PTDSS1: variants seen among roughly 807,000 people sequenced by gnomAD.
The protein encoded by PTDSS1 is phosphatidylserine synthase 1.
Under a neutral mutation model 70.5 loss-of-function variants are expected in PTDSS1, and 45 were observed. The ratio of observed to expected loss-of-function variants is 0.64; its 90% CI spans 0.50 to 0.82. PTDSS1 has a LOEUF of 0.82. Among genes scored for constraint, PTDSS1 ranks in the 40% least tolerant of loss-of-function variants. The pLI, the probability that PTDSS1 is intolerant of heterozygous loss-of-function variation, is 0.00. For synonymous variants in PTDSS1, 188 were observed against 203.8 expected, an observed-to-expected ratio of 0.92 and a Z score of 0.66; for missense variants, 417 against 586.1, an observed-to-expected ratio of 0.71 and a Z score of 2.98.
chr8:96,317,967 A>T (rs927623453), intron 9 of PTDSS1, among the ~76,000 whole-genome samples: 1 of 151,596 alleles, frequency 6.6e-6, no homozygotes, highest in Non-Finnish European at 1.5e-5. Context: ...GTTTCTTGCT[A>T]TGGTTCTTAA....
At chr8:96,284,640 A>G (rs1465944756) in intron 3 of PTDSS1, among the ~76,000 whole-genome samples, 2 of 152,358 alleles carry the variant, frequency 1.3e-5, no homozygotes, top group African/African-American at 4.8e-5. Flanking sequence ...AAATAAGCAT[A>G]TAAATATTGG....
intron 10 of PTDSS1, among the ~76,000 whole-genome samples, chr8:96,325,852 T>C (rs1352393275): frequency 2.0e-5 from 3 of 152,200 alleles, no homozygotes; most frequent in African/African-American, 7.2e-5. Context: ...AGTAGCATCT[T>C]CATTAGTGAG....
chr8:96,305,868 A>T (rs1811114942), intron 7 of PTDSS1, among the ~76,000 whole-genome samples: 1 of 152,016 alleles, frequency 6.6e-6, no homozygotes, highest in Non-Finnish European at 1.5e-5. Context: ...TTTAGTAGAG[A>T]TGAGATTTCA....
intron 10 of PTDSS1, 130 bp downstream of exon 10, chr8:96,320,475 A>G: frequency 2.4e-6 from 2 of 825,982 alleles, no homozygotes; most frequent in Non-Finnish European, 3.9e-6. Context: ...TTCTACTTGT[A>G]ATTGTCTGAG....
rs1183729827 is a variant in PTDSS1 at position 96,287,096 on chromosome 8, T to C, written c.391T>C (p.Tyr131His). The C allele has an allele frequency of 1.2e-6, 2 of 1,614,186 alleles. No homozygotes were observed. Among genetic ancestry groups the C allele is most frequent in the African/African-American group, 2.7e-5 (2 of 75,078 alleles). The change falls in exon 4 of 13, where the codon TAT becomes CAT. Residue 131 changes from tyrosine (Y) to histidine (H), a missense_variant. This residue lies in a region of PTDSS1 where 272 missense variants were observed against 429.5 expected (regional missense o/e 0.63). Transcript: ENST00000517309. ...TTTCGAGCAGGTTAAATCTCTAATGTATTGGCTAGATCCAAATCTTCGATA... is the reference window on the plus strand; with the variant it reads ...TTTCGAGCAGGTTAAATCTCTAATGCATTGGCTAGATCCAAATCTTCGATA... ...LNFEQVKSLM[Y>H]WLDPNLRYAT...
Position 96,306,430 on chromosome 8 carries a change from T to C in PTDSS1, c.895-14T>C. 6.3e-7 allele frequency: 1 copy of C among 1,595,504 alleles called. No individual in the cohort carries two copies. Among genetic ancestry groups the C allele is most frequent in the Non-Finnish European group, 8.6e-7 (1 of 1,163,278 alleles). On this transcript the variant is annotated splice_polypyrimidine_tract_variant and intron_variant, in intron 7 of 12. Transcript: ENST00000517309. ...ATGAGGTACCAGGTTGACTAATTTCTCCGTCTTTTTCAGCTGACTGAGTTG... is the reference window on the plus strand; with the variant it reads ...ATGAGGTACCAGGTTGACTAATTTCCCCGTCTTTTTCAGCTGACTGAGTTG...
rs115142355 is a variant in PTDSS1, at chr8:96,319,676, T to C, written c.1074-570T>C. 1.2e-3 allele frequency among the ~76,000 whole-genome samples: 190 copies of C among 152,312 alleles called. 1 individual carries two copies. Among genetic ancestry groups the C allele is most frequent in the Middle Eastern group, 6.8e-3 (2 of 294 alleles). On this transcript the variant is annotated intron_variant, in intron 9 of 12. Transcript: ENST00000517309. ...TCTCTTGGAAGGGTCAAACTCACCC[T>C]GTGTGGCAGCCACCTAGCCTCTTAA...
rs1256704600 is a variant in PTDSS1, at chr8:96,304,027, TCTC to T, written c.753-12_753-10del. ...ATCTCTGGATTTTCACTGGAGCCAT[TCTC>T]TTCTTACAGGGACATTCATACCACC... On this transcript the variant is annotated splice_polypyrimidine_tract_variant and intron_variant, in intron 6 of 12. Transcript: ENST00000517309. 1.9e-6 allele frequency: 3 copies of T among 1,597,826 alleles called. No homozygotes were observed. The highest frequency in any genetic ancestry group is 3.6e-5 in the Admixed American group (2 of 54,844).
intron 7 of PTDSS1, 122 bp from the exon 8 acceptor site, chr8:96,306,322 C>A: frequency 1.3e-6 from 1 of 746,728 alleles, no homozygotes; most frequent in Non-Finnish European, 2.3e-6. Flanking sequence ...AAGACCACAT[C>A]TATTCTCTGA....
In PTDSS1 at chr8:96,330,376, G is replaced by A. The variant is rs1470537416; in HGVS notation, c.1242+95G>A. 4 of 1,235,944 alleles carry A rather than the reference G, an allele frequency of 3.2e-6. No homozygotes were observed. The South Asian group carries it at 3.8e-5, about 12-fold the overall frequency. The allele number at this position is 1,235,944 out of a possible 1,614,324, so 76.6% of individuals were successfully genotyped here. ...GCACGTGCCTGTAAGGATATGGCGAGGTAAACACTGAGGTTGGGGCCTCCA... is the reference window on the plus strand; with the variant it reads ...GCACGTGCCTGTAAGGATATGGCGAAGTAAACACTGAGGTTGGGGCCTCCA... On this transcript the variant is annotated intron_variant, in intron 11 of 12. Coordinates refer to ENST00000517309, the MANE Select transcript of PTDSS1 (RefSeq NM_014754.3).
In PTDSS1 at chr8:96,335,947, T is replaced by G. The variant is rs1436151615; in HGVS notation, c.*2381T>G. ...CACCCTCTTAAGAGAGAACATTGTT[T>G]TGGACCTAAAGCTTGAAGAACGGTT... On this transcript the variant is annotated 3_prime_UTR_variant, in exon 13 of 13. Coordinates refer to ENST00000517309, the MANE Select transcript of PTDSS1 (RefSeq NM_014754.3). The G allele has an allele frequency of 6.6e-6, 1 of 152,218 alleles. No homozygotes were observed. Among genetic ancestry groups the G allele is most frequent in the East Asian group, 1.9e-4 (1 of 5,194 alleles). 9.4% of individuals were successfully genotyped at this position (152,218 alleles called of 1,614,324 possible). A position where few individuals can be genotyped will look rare whatever the true frequency, so the allele number is the denominator to read the frequency against.
intron 3 of PTDSS1, among the ~76,000 whole-genome samples, chr8:96,285,756 C>T (rs1810813938): frequency 6.6e-6 from 1 of 152,134 alleles, no homozygotes; most frequent in African/African-American, 2.4e-5. Flanking sequence ...GTGTCCAGGG[C>T]TTCACAGACC....
intron 4 of PTDSS1, among the ~76,000 whole-genome samples, chr8:96,289,203 G>C (rs528399228): frequency 6.6e-5 from 10 of 152,212 alleles, no homozygotes; most frequent in Non-Finnish European, 1.5e-4. Flanking sequence ...TGGGATTACA[G>C]GTGTGAGCCA....
Position 96,328,832 on chromosome 8 carries a change from G to A in PTDSS1, c.1174-1381G>A, listed in dbSNP as rs77847568. Among the ~76,000 whole-genome samples, 519 of 152,334 alleles carry A rather than the reference G, an allele frequency of 3.4e-3. 1 individual carries two copies. Among genetic ancestry groups the A allele is most frequent in the Non-Finnish European group, 5.5e-3 (376 of 68,020 alleles). On this transcript the variant is annotated intron_variant, in intron 10 of 12. Transcript: ENST00000517309. ...TACCACCAGACTGTGGCTGTGCAGA[G>A]GAGAAGCTGCTGCTGTTCACTGTTC...
chr8:96,334,027 G>T lies in PTDSS1; in HGVS notation c.*461G>T. 2.3e-6 allele frequency: 1 copy of T among 434,320 alleles called. No individual in the cohort carries two copies. Among genetic ancestry groups the T allele is most frequent in the Non-Finnish European group, 4.1e-6 (1 of 245,878 alleles). 26.9% of individuals were successfully genotyped at this position (434,320 alleles called of 1,614,324 possible). A position where few individuals can be genotyped will look rare whatever the true frequency, so the allele number is the denominator to read the frequency against. ...TGATTTAAGTTCAGGCCACTTTTCT[G>T]TCTTTTATTTGGTTACTGTTGTTAT... is the stretch of plus-strand genomic sequence containing the variant. On this transcript the variant is annotated 3_prime_UTR_variant, in exon 13 of 13. Coordinates refer to ENST00000517309, the MANE Select transcript of PTDSS1 (RefSeq NM_014754.3).
chr8:96,284,030 A>G, intron 2 of PTDSS1, 79 bp from the exon 3 acceptor site: 1 of 1,173,714 alleles, frequency 8.5e-7, no homozygotes, highest in South Asian at 1.3e-5. Flanking sequence ...TGTTATCTGT[A>G]TGGAGATCAG....
intron 1 of PTDSS1, among the ~76,000 whole-genome samples, chr8:96,272,543 G>A (rs1810581515): frequency 1.3e-5 from 2 of 152,102 alleles, no homozygotes; most frequent in African/African-American, 4.8e-5. Flanking sequence ...GCTTGGCTTG[G>A]GGGAACAATC....
intron 9 of PTDSS1, among the ~76,000 whole-genome samples, chr8:96,318,146 GA>G (rs1811322322): frequency 6.6e-6 from 1 of 151,764 alleles, no homozygotes; most frequent in Non-Finnish European, 1.5e-5. Flanking sequence ...CCAACATGGT[GA>G]AACCCCGCCT....
chr8:96,279,465 A>AG (rs1464458863), intron 2 of PTDSS1, among the ~76,000 whole-genome samples: 1 of 152,062 alleles, frequency 6.6e-6, no homozygotes, highest in Non-Finnish European at 1.5e-5. Flanking sequence ...TTAAAAAAAA[A>AG]AAAAAAGTTC....
Sources: gnomAD v4.1 joint callset for allele counts (sites outside exome capture counted in the v4.1 genomes callset) on GRCh38, gnomAD v4.1.1 for gene constraint, gnomAD v4.1.1 regional missense constraint, MANE v1.5 for transcripts, NCBI Gene and HGNC (gene_info 2026-07-23, HGNC 2026-07-21) for gene names.